ARHGEF3: variants seen among roughly 807,000 people sequenced by gnomAD.
The protein encoded by ARHGEF3 is Rho guanine nucleotide exchange factor 3.
ARHGEF3 carries 28 observed loss-of-function variants against 63.2 expected under a neutral mutation model. The ratio of observed to expected loss-of-function variants is 0.44; its 90% CI spans 0.33 to 0.61. The LOEUF is 0.61. ARHGEF3 is among the 20% of genes least tolerant of loss of function. The probability of loss-of-function intolerance (pLI) is 0.03; values close to 1 mark genes in which losing one functional copy is unlikely to be tolerated. For missense variants in ARHGEF3, 533 were observed against 659.3 expected (o/e 0.81, Z 2.10); for synonymous variants, 266 against 254.2 (o/e 1.05, Z -0.44).
chr3:56,914,473 T>A (rs2041934506), intron 3 of ARHGEF3, among the ~76,000 whole-genome samples: 1 of 152,200 alleles, frequency 6.6e-6, no homozygotes. Flanking sequence ...TAAACAGCTC[T>A]CAAATCTTTC....
chr3:56,853,369 T>C (rs963259006), intron 4 of ARHGEF3, among the ~76,000 whole-genome samples: 1 of 152,192 alleles, frequency 6.6e-6, no homozygotes, highest in Non-Finnish European at 1.5e-5. Flanking sequence ...GGAGTTTAGC[T>C]CTTGTCCCCC....
chr3:56,803,475 G>A (rs2037749260), upstream of ARHGEF3, among the ~76,000 whole-genome samples: 1 of 148,526 alleles, frequency 6.7e-6, no homozygotes. Flanking sequence ...AATAGAGGAA[G>A]GAAGAAAGGA....
chr3:57,002,513 T>TATATATATATGTTATATATATATAG (rs1560123137), intron 2 of ARHGEF3, among the ~76,000 whole-genome samples: 8 of 81,944 alleles, frequency 9.8e-5, no homozygotes, highest in African/African-American at 3.2e-4. Context: ...TATATATATA[T>TATATATATATGTTATATATATATAG]GTTATATATG....
At chr3:56,958,896 G>T in intron 2 of ARHGEF3, 1 of 1,549,398 alleles carries the variant, frequency 6.5e-7, no homozygotes, top group African/African-American at 1.4e-5. Context: ...AGGCCTAGAA[G>T]AGAAAAGACA....
At chr3:57,062,487 C>G (rs189353942) in intron 1 of ARHGEF3, among the ~76,000 whole-genome samples, 5 of 152,140 alleles carry the variant, frequency 3.3e-5, no homozygotes, top group Non-Finnish European at 5.9e-5. Context: ...CATGGGGAAG[C>G]CTTTCAGAGA....
intron 2 of ARHGEF3, among the ~76,000 whole-genome samples, chr3:57,022,434 CA>C (rs67343990): frequency 6.9e-5 from 10 of 145,142 alleles, no homozygotes; most frequent in Admixed American, 1.4e-4. Flanking sequence ...ATTTTTGTCT[CA>C]AAAAAAAAAG....
At chr3:56,898,347 T>A (rs191952488) in intron 3 of ARHGEF3, among the ~76,000 whole-genome samples, 1 of 152,176 alleles carries the variant, frequency 6.6e-6, no homozygotes, top group Non-Finnish European at 1.5e-5. Flanking sequence ...GTAGCTGGGA[T>A]TACAGGCATG....
chr3:57,074,259 C>T (rs1488942764), intron 1 of ARHGEF3: 1 of 1,608,016 alleles, frequency 6.2e-7, no homozygotes, highest in Non-Finnish European at 8.5e-7. Flanking sequence ...CATACACACA[C>T]ATCTGTAATC....
At chr3:56,822,799 A>G (rs1312770707) in intron 4 of ARHGEF3, among the ~76,000 whole-genome samples, 1 of 149,186 alleles carries the variant, frequency 6.7e-6, no homozygotes, top group Non-Finnish European at 1.5e-5. Flanking sequence ...GGTTGCAGTG[A>G]GCCGAGGTCA....
intron 2 of ARHGEF3, among the ~76,000 whole-genome samples, chr3:56,996,093 A>G (rs1207627346): frequency 6.6e-6 from 1 of 152,088 alleles, no homozygotes; most frequent in Admixed American, 6.6e-5. Context: ...TTTAATCCCC[A>G]TCATCATCCC....
At chr3:56,968,086 AT>A (rs1700685869) in intron 2 of ARHGEF3, among the ~76,000 whole-genome samples, 1 of 55,154 alleles carries the variant, frequency 1.8e-5, no homozygotes, top group Non-Finnish European at 3.1e-5. Flanking sequence ...TTATATATTT[AT>A]TATACATAAA....
At chr3:56,848,335 T>C (rs1270078084) in intron 4 of ARHGEF3, among the ~76,000 whole-genome samples, 1 of 152,140 alleles carries the variant, frequency 6.6e-6, no homozygotes, top group Non-Finnish European at 1.5e-5. Flanking sequence ...AATAAAATAT[T>C]TGGGGAATCA....
intron 2 of ARHGEF3, among the ~76,000 whole-genome samples, chr3:56,991,061 G>A (rs143628509): frequency 1.3e-3 from 205 of 152,132 alleles, no homozygotes; most frequent in African/African-American, 4.2e-3. Flanking sequence ...TGATAACCTA[G>A]TTCTCACTGC....
chr3:56,818,468 C>T (rs543540957), intron 4 of ARHGEF3, among the ~76,000 whole-genome samples: 4 of 152,266 alleles, frequency 2.6e-5, no homozygotes, highest in African/African-American at 9.6e-5. Context: ...CTTGAAATGA[C>T]TAGTATTGCA....
At chr3:57,058,047 G>T (rs1405596285) in intron 1 of ARHGEF3, among the ~76,000 whole-genome samples, 2 of 152,280 alleles carry the variant, frequency 1.3e-5, no homozygotes, top group South Asian at 2.1e-4. Context: ...TAACCCTTCA[G>T]TCGTGTCCTT....
At chr3:56,996,893 T>TTTTTA (rs1702016492) in intron 2 of ARHGEF3, among the ~76,000 whole-genome samples, 1 of 94,580 alleles carries the variant, frequency 1.1e-5, no homozygotes, top group Non-Finnish European at 2.4e-5. Flanking sequence ...TATTATTATT[T>TTTTTA]TTTTTTTTTT....
intron 4 of ARHGEF3, among the ~76,000 whole-genome samples, chr3:56,877,724 A>G (rs2040634520): frequency 6.6e-6 from 1 of 152,164 alleles, no homozygotes; most frequent in Non-Finnish European, 1.5e-5. Context: ...CTGGTTAAAA[A>G]TATATATGCT....
At chr3:56,953,373 A>C (rs1699899615) in intron 3 of ARHGEF3, among the ~76,000 whole-genome samples, 1 of 152,208 alleles carries the variant, frequency 6.6e-6, no homozygotes. Context: ...CAGTGTGGAG[A>C]AGGTTGAGGA....
At chr3:56,904,127 T>A (rs1047326801) in intron 3 of ARHGEF3, among the ~76,000 whole-genome samples, 1 of 152,198 alleles carries the variant, frequency 6.6e-6, no homozygotes, top group Non-Finnish European at 1.5e-5. Context: ...CTTCCCCAGC[T>A]TAAGCTATCC....
Sources: allele counts gnomAD v4.1 joint callset (sites outside exome capture counted in the v4.1 genomes callset), GRCh38; gene constraint gnomAD v4.1.1; transcripts MANE v1.5; gene names NCBI Gene and HGNC (gene_info 2026-07-23, HGNC 2026-07-21).